MAPK4: variants seen among roughly 807,000 people sequenced by gnomAD.
The protein encoded by MAPK4 is mitogen-activated protein kinase 4, also known as Erk3-related.
In MAPK4, 22 loss-of-function variants were observed where a neutral mutation model predicts 47.7. That is an observed-to-expected ratio of 0.46 (90% CI 0.33 to 0.66). The LOEUF (loss-of-function observed/expected upper bound fraction) is 0.66, where lower values mean the gene tolerates loss of function less well. Ranked by LOEUF, MAPK4 falls within the 30% of genes least tolerant of loss-of-function variation. The pLI, the probability that MAPK4 is intolerant of heterozygous loss-of-function variation, is 0.02. For synonymous variants in MAPK4, 390 were observed against 365.7 expected (o/e 1.07, Z -0.76); for missense variants, 736 against 831.7 (o/e 0.88, Z 1.42).
rs1911573645 is a variant in MAPK4 at position 50,731,704 on chromosome 18, A to G, written c.*1850A>G. ...AAGGAACAAGCTGCTGGCCTTGACC[A>G]GGAGTTCATATATAACTGTTATTAC... On this transcript the variant is annotated 3_prime_UTR_variant, in exon 6 of 6. Transcript: ENST00000400384. 6.6e-6 allele frequency: 1 copy of G among 152,270 alleles called. No individual in the cohort carries two copies. The highest frequency in any genetic ancestry group is 1.5e-5 in the Non-Finnish European group (1 of 68,054). The allele number at this position is 152,270 out of a possible 1,614,324, so 9.4% of individuals were successfully genotyped here.
At chr18:50,708,362 A>G (rs1027404922) in intron 2 of MAPK4, among the ~76,000 whole-genome samples, 1 of 152,178 alleles carries the variant, frequency 6.6e-6, no homozygotes, top group Admixed American at 6.5e-5. Context: ...AACCCCTATT[A>G]TAGGTCAGTC....
At chr18:50,711,919 G>A (rs1277106784) in intron 2 of MAPK4, among the ~76,000 whole-genome samples, 1 of 145,964 alleles carries the variant, frequency 6.9e-6, no homozygotes, top group Non-Finnish European at 1.5e-5. Flanking sequence ...GTACCATGTT[G>A]TGGGCCCCAG....
chr18:50,726,289 C>T (rs540301928), intron 5 of MAPK4, 114 bp downstream of exon 5: 55 of 968,108 alleles, frequency 5.7e-5, no homozygotes, highest in Admixed American at 1.2e-4. Flanking sequence ...GCTCATTGGA[C>T]GACTTCTCCA....
chr18:50,599,366 A>G (rs1341585046), intron 1 of MAPK4, among the ~76,000 whole-genome samples: 2 of 152,182 alleles, frequency 1.3e-5, no homozygotes, highest in African/African-American at 4.8e-5. Flanking sequence ...AAAAGTGACA[A>G]TATATGCTTA....
chr18:50,606,037 A>G (rs1004788589), intron 1 of MAPK4, among the ~76,000 whole-genome samples: 15 of 141,184 alleles, frequency 1.1e-4, no homozygotes, highest in African/African-American at 2.0e-4. Context: ...TACATTTCTC[A>G]TGGAGTCAAA....
intron 1 of MAPK4, among the ~76,000 whole-genome samples, chr18:50,606,340 A>C (rs956131928): frequency 2.0e-5 from 3 of 151,828 alleles, no homozygotes; most frequent in Non-Finnish European, 4.4e-5. Flanking sequence ...TTTGTCTTTA[A>C]TACACTAGGG....
At chr18:50,635,703 T>A (rs2042879645) in intron 1 of MAPK4, among the ~76,000 whole-genome samples, 1 of 152,196 alleles carries the variant, frequency 6.6e-6, no homozygotes, top group African/African-American at 2.4e-5. Context: ...ACCCCATGCC[T>A]GGTCCATAAG....
chr18:50,647,545 C>A (rs1429486979), intron 1 of MAPK4, among the ~76,000 whole-genome samples: 1 of 152,136 alleles, frequency 6.6e-6, no homozygotes, highest in Non-Finnish European at 1.5e-5. Flanking sequence ...CATTTGAAGC[C>A]TTGCCTGTGT....
intron 2 of MAPK4, among the ~76,000 whole-genome samples, chr18:50,696,741 A>G (rs976966769): frequency 6.6e-6 from 1 of 152,216 alleles, no homozygotes; most frequent in Admixed American, 6.5e-5. Context: ...TCTATGTGAG[A>G]ACCTATTTAA....
chr18:50,685,657 AAATTCCAGATGTGAGGCTCT>A (rs1908839976), intron 2 of MAPK4, among the ~76,000 whole-genome samples: 1 of 152,202 alleles, frequency 6.6e-6, no homozygotes, highest in South Asian at 2.1e-4. Flanking sequence ...CCAAGACCCC[AAATTCCAGATGTGAGGCTCT>A]GTGAGATCAA....
intron 2 of MAPK4, among the ~76,000 whole-genome samples, chr18:50,669,026 C>T (rs1907774138): frequency 6.6e-6 from 1 of 152,198 alleles, no homozygotes; most frequent in Non-Finnish European, 1.5e-5. Flanking sequence ...CCAAACTTTG[C>T]CCAAAGAGAT....
intron 1 of MAPK4, among the ~76,000 whole-genome samples, chr18:50,616,612 T>C (rs1001200354): frequency 6.6e-6 from 1 of 152,036 alleles, no homozygotes; most frequent in Non-Finnish European, 1.5e-5. Context: ...ACCTCAGAAA[T>C]AGAGAAGCCA....
intron 2 of MAPK4, among the ~76,000 whole-genome samples, chr18:50,673,385 T>C (rs1005970959): frequency 5.9e-5 from 9 of 152,362 alleles, no homozygotes; most frequent in African/African-American, 2.2e-4. Context: ...CCACCTCCTG[T>C]GGCAAGTGCC....
chr18:50,598,107 C>T (rs1313727884), intron 1 of MAPK4, among the ~76,000 whole-genome samples: 1 of 152,216 alleles, frequency 6.6e-6, no homozygotes, highest in Non-Finnish European at 1.5e-5. Context: ...CAACCACTAC[C>T]ACAACACCCC....
In MAPK4 at chr18:50,657,656, G is replaced by A. The variant is rs150942292; in HGVS notation, c.-870-5433G>A. ...ACCAGAGGTGATTTTGTGCCTCCCC[G>A]ACAGGTGACAGTTGTCAGTGTTTGG... On this transcript the variant is annotated intron_variant, in intron 1 of 5. Transcript: ENST00000400384. Among the ~76,000 whole-genome samples the A allele has an allele frequency of 2.9e-3, 434 of 151,840 alleles. 4 individuals carry two copies. Among genetic ancestry groups the A allele is most frequent in the African/African-American group, 0.01 (414 of 41,376 alleles).
At chr18:50,642,303 C>A (rs534635849) in intron 1 of MAPK4, among the ~76,000 whole-genome samples, 3 of 152,276 alleles carry the variant, frequency 2.0e-5, no homozygotes, top group Admixed American at 6.5e-5. Flanking sequence ...GAAGTCCAGC[C>A]CATGCTCCAG....
chr18:50,675,851 T>A (rs1270824475), intron 2 of MAPK4, among the ~76,000 whole-genome samples: 1 of 152,188 alleles, frequency 6.6e-6, no homozygotes, highest in Non-Finnish European at 1.5e-5. Context: ...GGTCTTGAAC[T>A]CCTGATCTCA....
At chr18:50,726,580 T>A (rs1158832022) in intron 5 of MAPK4, among the ~76,000 whole-genome samples, 1 of 152,172 alleles carries the variant, frequency 6.6e-6, no homozygotes, top group Non-Finnish European at 1.5e-5. Flanking sequence ...CGCTATCTCA[T>A]GTTTCATGTT....
chr18:50,655,447 G>A (rs927491852), intron 1 of MAPK4, among the ~76,000 whole-genome samples: 2 of 152,106 alleles, frequency 1.3e-5, no homozygotes, highest in African/African-American at 4.8e-5. Flanking sequence ...CATCATGGGC[G>A]GCACCATTAG....
Sources: gnomAD v4.1 joint callset for allele counts (sites outside exome capture counted in the v4.1 genomes callset) on GRCh38, gnomAD v4.1.1 for gene constraint, MANE v1.5 for transcripts, NCBI Gene and HGNC (gene_info 2026-07-23, HGNC 2026-07-21) for gene names.